Variants in SLC8A3 observed in about 807,000 individuals in gnomAD.
SLC8A3 encodes the protein sodium/calcium exchanger 3.
Under a neutral mutation model 65.4 loss-of-function variants are expected in SLC8A3, and 37 were observed. The observed-to-expected ratio is 0.57, with a 90% CI of 0.44 to 0.74. The LOEUF is 0.74. SLC8A3 is among the 30% of genes least tolerant of loss of function. The pLI is 0.00. For synonymous variants in SLC8A3, 461 were observed against 444.5 expected (o/e 1.04, Z -0.47); for missense variants, 1,112 against 1,172.1 (o/e 0.95, Z 0.75).
chr14:70,153,399 T>C (rs1184988573), intron 2 of SLC8A3, among the ~76,000 whole-genome samples: 1 of 152,192 alleles, frequency 6.6e-6, no homozygotes, highest in Non-Finnish European at 1.5e-5. Context: ...CCCCACAAGC[T>C]GAAGCTAATT....
At chr14:70,182,706 G>T (rs926955387) in intron 1 of SLC8A3, among the ~76,000 whole-genome samples, 2 of 152,088 alleles carry the variant, frequency 1.3e-5, no homozygotes, top group Non-Finnish European at 2.9e-5. Flanking sequence ...AGGGACAAAT[G>T]ATTAAAATCT....
At chr14:70,122,022 C>T (rs1566793603) in intron 2 of SLC8A3, among the ~76,000 whole-genome samples, 1 of 152,122 alleles carries the variant, frequency 6.6e-6, no homozygotes, top group East Asian at 1.9e-4. Flanking sequence ...TTCAGACTCA[C>T]TTAGGAGGCG....
intron 2 of SLC8A3, among the ~76,000 whole-genome samples, chr14:70,149,247 A>G (rs1186427454): frequency 6.6e-6 from 1 of 152,230 alleles, no homozygotes; most frequent in African/African-American, 2.4e-5. Flanking sequence ...GGGATGAAAA[A>G]GAAAGGTATA....
chr14:70,121,141 C>T (rs978952401), intron 2 of SLC8A3, among the ~76,000 whole-genome samples: 5 of 152,102 alleles, frequency 3.3e-5, no homozygotes, highest in African/African-American at 1.2e-4. Flanking sequence ...TAGACCCCCC[C>T]CAAAATGAGC....
At chr14:70,131,421 A>C (rs1472500612) in intron 2 of SLC8A3, among the ~76,000 whole-genome samples, 4 of 152,218 alleles carry the variant, frequency 2.6e-5, no homozygotes, top group Admixed American at 2.0e-4. Context: ...GGGGTAGATA[A>C]TTTAACTTCC....
At chr14:70,069,662 C>T (rs929630642) in intron 2 of SLC8A3, among the ~76,000 whole-genome samples, 1 of 152,146 alleles carries the variant, frequency 6.6e-6, no homozygotes, top group African/African-American at 2.4e-5. Context: ...GACTGAACCC[C>T]CCACCGCCAC....
At chr14:70,077,688 A>G (rs1305155933) in intron 2 of SLC8A3, among the ~76,000 whole-genome samples, 1 of 152,114 alleles carries the variant, frequency 6.6e-6, no homozygotes, top group African/African-American at 2.4e-5. Context: ...TAAAACCCCC[A>G]CCCATGCCCA....
At chr14:70,128,041 C>T (rs1894590339) in intron 2 of SLC8A3, among the ~76,000 whole-genome samples, 1 of 152,196 alleles carries the variant, frequency 6.6e-6, no homozygotes, top group Non-Finnish European at 1.5e-5. Context: ...TGGAATTCAT[C>T]ATTGGCCCCC....
chr14:70,154,129 A>G (rs1451312849), intron 2 of SLC8A3, among the ~76,000 whole-genome samples: 1 of 152,236 alleles, frequency 6.6e-6, no homozygotes, highest in African/African-American at 2.4e-5. Context: ...GAAAGAAGCC[A>G]ACTCCTTAAA....
At chr14:70,132,838 CA>C (rs1894936155) in intron 2 of SLC8A3, among the ~76,000 whole-genome samples, 2 of 152,174 alleles carry the variant, frequency 1.3e-5, no homozygotes, top group South Asian at 4.1e-4. Context: ...CCACCCTAGG[CA>C]CTTGGGGATT....
intron 2 of SLC8A3, among the ~76,000 whole-genome samples, chr14:70,123,818 T>C (rs1394730071): frequency 6.6e-6 from 1 of 152,158 alleles, no homozygotes; most frequent in Non-Finnish European, 1.5e-5. Context: ...CAACATTCTG[T>C]CTACATGACC....
intron 2 of SLC8A3, among the ~76,000 whole-genome samples, chr14:70,155,485 T>C (rs1472678265): frequency 6.6e-6 from 1 of 152,228 alleles, no homozygotes; most frequent in Non-Finnish European, 1.5e-5. Context: ...TATTAGAAGA[T>C]CAAGGTTTTG....
chr14:70,174,524 A>T (rs572214873), intron 1 of SLC8A3, among the ~76,000 whole-genome samples: 72 of 152,224 alleles, frequency 4.7e-4, no homozygotes, highest in African/African-American at 1.7e-3. Flanking sequence ...TGTGGAATTT[A>T]GACTCCCACA....
chr14:70,049,146 G>C (rs1456080121), intron 5 of SLC8A3, 104 bp from the exon 6 acceptor site: 2 of 1,158,022 alleles, frequency 1.7e-6, no homozygotes, highest in African/African-American at 1.5e-5. Context: ...CGCTAGAAGG[G>C]GACTCCAGCT....
intron 5 of SLC8A3, among the ~76,000 whole-genome samples, chr14:70,050,545 C>T (rs1486878649): frequency 6.6e-6 from 1 of 152,132 alleles, no homozygotes; most frequent in Non-Finnish European, 1.5e-5. Context: ...TGGAATCATC[C>T]AGAGTGTTTT....
chr14:70,188,360 G>A lies in SLC8A3; in HGVS notation c.-63+19C>T, dbSNP rs1258384094. 1 of 152,498 alleles carries A rather than the reference G, an allele frequency of 6.6e-6. No homozygotes were observed. The highest frequency in any genetic ancestry group is 1.9e-4 in the East Asian group (1 of 5,168). The allele number at this position is 152,498 out of a possible 1,614,324, so 9.4% of individuals were successfully genotyped here. A position where few individuals can be genotyped will look rare whatever the true frequency, so the allele number is the denominator to read the frequency against. ...TGCCCGCTAAGGGGGAAGGGCAGGAGGCTCACCCCATTACTCACCGTTTCC... is the reference window on the plus strand; with the variant it reads ...TGCCCGCTAAGGGGGAAGGGCAGGAAGCTCACCCCATTACTCACCGTTTCC... On this transcript the variant is annotated intron_variant, in intron 1 of 6. Coordinates refer to ENST00000356921, the MANE Select transcript of SLC8A3 (RefSeq NM_182932.3).
intron 2 of SLC8A3, among the ~76,000 whole-genome samples, chr14:70,126,239 T>TTCAA (rs76183916): frequency 0.11 from 16,031 of 152,040 alleles, 1,116 homozygotes; most frequent in Non-Finnish European, 0.16. Flanking sequence ...ACATTGCTTC[T>TTCAA]TCAATCAATC....
chr14:70,161,441 G>T (rs1249505947), intron 2 of SLC8A3, among the ~76,000 whole-genome samples: 1 of 152,068 alleles, frequency 6.6e-6, no homozygotes, highest in East Asian at 1.9e-4. Flanking sequence ...CTCAGAAATG[G>T]AGTCCCTTCT....
At chr14:70,174,666 T>TGG (rs1566833557) in intron 1 of SLC8A3, among the ~76,000 whole-genome samples, 1 of 56,932 alleles carries the variant, frequency 1.8e-5, no homozygotes, top group Non-Finnish European at 3.5e-5. Context: ...TTTTTTGTTT[T>TGG]TTTTTTTTTT....
Sources: gnomAD v4.1 joint callset for allele counts (sites outside exome capture counted in the v4.1 genomes callset) on GRCh38, gnomAD v4.1.1 for gene constraint, MANE v1.5 for transcripts, NCBI Gene and HGNC (gene_info 2026-07-23, HGNC 2026-07-21) for gene names.